The following TG variants were observed in gnomAD, a reference collection of about 807,000 sequenced individuals.
TG encodes the protein thyroid hormones.
TG carries 270 observed loss-of-function variants against 324.7 expected under a neutral mutation model. The ratio of observed to expected loss-of-function variants is 0.83; its 90% confidence interval spans 0.75 to 0.92. The LOEUF (loss-of-function observed/expected upper bound fraction) is 0.92, where lower values mean the gene tolerates loss of function less well. Ranked by LOEUF, TG falls within the 40% of genes least tolerant of loss-of-function variation. The probability of loss-of-function intolerance (pLI) is 0.00; values close to 1 mark genes in which losing one functional copy is unlikely to be tolerated. For synonymous variants in TG, 1,401 were observed against 1,327.0 expected (o/e 1.06, Z -1.21); for missense variants, 3,591 against 3,456.4 (o/e 1.04, Z -0.98).
chr8:132,988,560 T>C (rs1261021386), intron 35 of TG: 1 of 267,944 alleles, frequency 3.7e-6, no homozygotes, highest in African/African-American at 2.3e-5. Context: ...GGTGGATGAC[T>C]AGCTAGATTT....
At chr8:133,054,017 C>T (rs142811615) in intron 41 of TG, among the ~76,000 whole-genome samples, 1 of 152,164 alleles carries the variant, frequency 6.6e-6, no homozygotes, top group Non-Finnish European at 1.5e-5. Flanking sequence ...TTGGCTTGTA[C>T]TTCTGTGGGG....
At chr8:133,001,666 C>T (rs1028556599) in intron 35 of TG, 7 of 812,120 alleles carry the variant, frequency 8.6e-6, no homozygotes, top group Middle Eastern at 6.2e-4. Context: ...TGTCTCCGTC[C>T]GATGACGACA....
At chr8:132,954,338 A>G (rs924070920) in intron 27 of TG, among the ~76,000 whole-genome samples, 1 of 152,202 alleles carries the variant, frequency 6.6e-6, no homozygotes, top group Admixed American at 6.5e-5. Flanking sequence ...CTTAGTTTAT[A>G]GTTTGGATTC....
At chr8:132,925,078 G>A (rs1821646925) in intron 22 of TG, among the ~76,000 whole-genome samples, 1 of 152,132 alleles carries the variant, frequency 6.6e-6, no homozygotes, top group Non-Finnish European at 1.5e-5. Context: ...GAAGGAGAGG[G>A]CCTAACATAC....
At chr8:132,899,044 C>G (rs527431233) in intron 14 of TG, 134 bp downstream of exon 14, 32 of 788,896 alleles carry the variant, frequency 4.1e-5, no homozygotes, top group Non-Finnish European at 6.8e-5. Context: ...TTGTCTGGGC[C>G]TGCTAGAACC....
At chr8:133,062,055 A>G (rs1215139907) in intron 41 of TG, among the ~76,000 whole-genome samples, 4 of 152,246 alleles carry the variant, frequency 2.6e-5, no homozygotes, top group African/African-American at 4.8e-5. Flanking sequence ...CTATAAACTC[A>G]TAGTGCACCA....
At chr8:132,904,276 G>A (rs1313020509) in intron 16 of TG, among the ~76,000 whole-genome samples, 6 of 152,240 alleles carry the variant, frequency 3.9e-5, no homozygotes, top group African/African-American at 1.4e-4. Flanking sequence ...TAAGATGGCA[G>A]GTGTGAGCGA....
intron 15 of TG, among the ~76,000 whole-genome samples, chr8:132,900,757 G>A (rs748218881): frequency 9.2e-5 from 14 of 152,192 alleles, no homozygotes; most frequent in Admixed American, 4.6e-4. Flanking sequence ...CTTCGGGGCC[G>A]TGCTTGAGCT....
At chr8:132,961,245 C>T (rs964494951) in intron 28 of TG, among the ~76,000 whole-genome samples, 172 bp downstream of exon 28, 6 of 152,122 alleles carry the variant, frequency 3.9e-5, no homozygotes, top group Admixed American at 1.3e-4. Context: ...AGATAAGATG[C>T]CAAAGTCTAA....
At chr8:132,954,248 C>T (rs985444166) in intron 27 of TG, among the ~76,000 whole-genome samples, 8 of 152,062 alleles carry the variant, frequency 5.3e-5, no homozygotes, top group Non-Finnish European at 8.8e-5. Flanking sequence ...TAGGATGAGT[C>T]GTTTAAAAAG....
At chr8:133,030,924 C>T (rs1836581196) in intron 41 of TG, among the ~76,000 whole-genome samples, 1 of 152,222 alleles carries the variant, frequency 6.6e-6, no homozygotes, top group Non-Finnish European at 1.5e-5. Flanking sequence ...CCCTGAACAG[C>T]TTGAGTTTTA....
Position 133,133,657 on chromosome 8 carries a change from G to A in TG, c.8185G>A (p.Ala2729Thr), listed in dbSNP as rs766934113. 70 of 1,613,434 alleles carry A rather than the reference G, an allele frequency of 4.3e-5. No homozygotes were observed. The Middle Eastern group carries it at 4.9e-4, about 11-fold the overall frequency. Residue 2729 changes from alanine (A) to threonine (T), a missense_variant, in exon 47 of 48, where the codon GCA becomes ACA. Coordinates refer to ENST00000220616, the MANE Select transcript of TG (RefSeq NM_003235.5). ...SKYISSLKTS[A>T]DGAKGGQSAE... ...GTACATCTCGTCTCTGAAGACATCTGCAGGTAGCAAAGCCCTGGGACAAGT... is the reference window on the plus strand; with the variant it reads ...GTACATCTCGTCTCTGAAGACATCTACAGGTAGCAAAGCCCTGGGACAAGT...
intron 1 of TG, among the ~76,000 whole-genome samples, chr8:132,867,523 GT>G (rs11325505): frequency 0.41 from 50,600 of 124,810 alleles, 8,368 homozygotes; most frequent in Non-Finnish European, 0.46. Context: ...CCAAGCTTCT[GT>G]TTTTTTTTTT....
At position 133,131,691 on chromosome 8, in the gene TG, A is replaced by G. The variant is rs1158701479; in HGVS notation, c.7863-121A>G. On this transcript the variant is annotated intron_variant, in intron 45 of 47. Coordinates refer to ENST00000220616, the MANE Select transcript of TG (RefSeq NM_003235.5). ...ACTGGGCCCTAAACAGGATACTTGG[A>G]TATGATATAAAGAAGGGAAAGTCTT... The G allele has an allele frequency of 3.5e-6, 5 of 1,417,136 alleles. No individual in the cohort carries two copies. In the African/African-American group the frequency reaches 4.3e-5, roughly 12 times the overall value. 87.8% of individuals were successfully genotyped at this position (1,417,136 alleles called of 1,614,324 possible).
chr8:132,894,659 C>T (rs1816848201), intron 11 of TG, among the ~76,000 whole-genome samples: 1 of 152,176 alleles, frequency 6.6e-6, no homozygotes, highest in Non-Finnish European at 1.5e-5. Flanking sequence ...CAGGATTTCA[C>T]CATGTTGGCC....
chr8:132,887,886 G>T, intron 9 of TG, 98 bp from the exon 10 acceptor site: 4 of 1,167,038 alleles, frequency 3.4e-6, no homozygotes, highest in Non-Finnish European at 5.0e-6. Flanking sequence ...GCTATATAAG[G>T]TTTTAGACGG....
At chr8:133,032,816 C>T (rs886959363) in intron 41 of TG, among the ~76,000 whole-genome samples, 1 of 152,194 alleles carries the variant, frequency 6.6e-6, no homozygotes, top group African/African-American at 2.4e-5. Flanking sequence ...TGTATTCATT[C>T]AGCACATTTG....
At chr8:132,887,839 T>C in intron 9 of TG, 145 bp from the exon 10 acceptor site, 2 of 859,626 alleles carry the variant, frequency 2.3e-6, no homozygotes, top group Non-Finnish European at 3.7e-6. Context: ...CCTATCTAGA[T>C]ATTATTTACA....
At chr8:133,105,631 T>G (rs111366558) in intron 43 of TG, among the ~76,000 whole-genome samples, 40 of 152,070 alleles carry the variant, frequency 2.6e-4, no homozygotes, top group African/African-American at 9.4e-4. Context: ...TATGAAGGTA[T>G]GAGGTTCAAG....
Sources: allele counts gnomAD v4.1 joint callset (sites outside exome capture counted in the v4.1 genomes callset), GRCh38; gene constraint gnomAD v4.1.1; transcripts MANE v1.5; gene names NCBI Gene and HGNC (gene_info 2026-07-23, HGNC 2026-07-21).